The following RP9 variants were observed in gnomAD, a reference collection of about 807,000 sequenced individuals.
RP9 encodes RP9 pre-mRNA splicing factor.
A neutral mutation model predicts 32.6 loss-of-function variants in RP9; 23 were observed. The ratio of observed to expected loss-of-function variants is 0.71; its 90% CI spans 0.51 to 1.00. The LOEUF (loss-of-function observed/expected upper bound fraction) is 1.00. Ranked by LOEUF, RP9 falls within the 50% of genes least tolerant of loss-of-function variation. The pLI is 0.00. For synonymous variants in RP9, 94 were observed against 103.6 expected (o/e 0.91, Z 0.56); for missense variants, 245 against 285.3 (o/e 0.86, Z 1.02).
intron 5 of RP9, 105 bp from the exon 6 acceptor site, chr7:33,095,537 C>T: frequency 6.5e-7 from 1 of 1,538,516 alleles, no homozygotes; most frequent in Non-Finnish European, 8.8e-7. Flanking sequence ...GATGAATAAC[C>T]ATGTCACAAA....
chr7:33,099,715 C>T (rs1180955404), intron 2 of RP9, among the ~76,000 whole-genome samples: 1 of 151,594 alleles, frequency 6.6e-6, no homozygotes, highest in Non-Finnish European at 1.5e-5. Context: ...CTGGGGAGCT[C>T]CAAATAAGAT....
chr7:33,102,367 A>G (rs1486283199), intron 1 of RP9, among the ~76,000 whole-genome samples: 1 of 152,328 alleles, frequency 6.6e-6, no homozygotes, highest in East Asian at 1.9e-4. Flanking sequence ...GCTGGAGTGC[A>G]GTGGCGTGAT....
At chr7:33,102,609 G>A (rs566761165) in intron 1 of RP9, among the ~76,000 whole-genome samples, 2 of 152,360 alleles carry the variant, frequency 1.3e-5, no homozygotes, top group East Asian at 1.9e-4. Context: ...TCTGAGACAC[G>A]CTGTCTTCTC....
chr7:33,099,497 CT>C, intron 2 of RP9, 61 bp from the exon 3 acceptor site: 1 of 1,599,686 alleles, frequency 6.3e-7, no homozygotes, highest in East Asian at 2.2e-5. Flanking sequence ...TCCTGCTCCC[CT>C]TGGAGCCACC....
Position 33,109,144 on chromosome 7 carries a change from G to A in RP9, c.152+77C>T. On this transcript the variant is annotated intron_variant, in intron 1 of 5. Transcript: ENST00000297157. The surrounding 1 kb of genome is among the most constrained non-coding windows in gnomAD (Gnocchi z 4.9). ...GGGGGCTCGGAGGACCCGGCCTAGC[G>A]CCCACCGCGGCGTCCCGCGCCCCGG... 1 of 1,448,714 alleles carries A rather than the reference G, an allele frequency of 6.9e-7. No individual in the cohort carries two copies. Among genetic ancestry groups the A allele is most frequent in the South Asian group, 1.3e-5 (1 of 77,550 alleles). The allele number at this position is 1,448,714 out of a possible 1,614,324, so 89.7% of individuals were successfully genotyped here.
intron 2 of RP9, 146 bp downstream of exon 2, chr7:33,100,385 A>T: frequency 1.3e-6 from 1 of 756,878 alleles, no homozygotes; most frequent in African/African-American, 1.8e-5. Flanking sequence ...CAAAACTAAA[A>T]ATTATGACCC....
At position 33,098,445 on chromosome 7, in the gene RP9, G is replaced by A. The variant is rs181352320; in HGVS notation, c.313+862C>T. Among the ~76,000 whole-genome samples the A allele has an allele frequency of 2.2e-4, 34 of 152,274 alleles. No homozygotes were observed. The South Asian group carries it at 6.2e-3, about 28-fold the overall frequency. ...AGGTAAAACAGAGGGTCTCTGGCCA[G>A]GGAGACCAGGGAGACATCAGGTAGG... is the stretch of plus-strand genomic sequence containing the variant. On this transcript the variant is annotated intron_variant, in intron 3 of 5. Transcript: ENST00000297157.
At chr7:33,099,570 GA>G in intron 2 of RP9, 134 bp from the exon 3 acceptor site, 1 of 901,668 alleles carries the variant, frequency 1.1e-6, no homozygotes. Flanking sequence ...CTCAAAACTA[GA>G]AAAAAAGACA....
At chr7:33,106,163 T>G (rs755566025) in intron 1 of RP9, among the ~76,000 whole-genome samples, 1 of 149,564 alleles carries the variant, frequency 6.7e-6, no homozygotes, top group Non-Finnish European at 1.5e-5. Context: ...ATATTGCTGT[T>G]TTTTTTTTGT....
At chr7:33,103,616 C>T (rs1265732890) in intron 1 of RP9, among the ~76,000 whole-genome samples, 1 of 151,972 alleles carries the variant, frequency 6.6e-6, no homozygotes, top group East Asian at 1.9e-4. Flanking sequence ...GAGTTCGCGA[C>T]CAGCCTGGGC....
chr7:33,099,333 A>G lies in RP9; in HGVS notation c.287T>C (p.Leu96Pro). ...CTGCATAACTTTGACTTCTTTCCCC[A>G]GTGGCATCCAAAGTCCTTTAGTTGG... Reference protein sequence around the residue: ...HAPTKGLWMPLGKEVKVMQCW... With the variant: ...HAPTKGLWMPPGKEVKVMQCW... The change falls in exon 3 of 6, where the codon CTG (leucine) becomes CCG (proline). Residue 96 changes from leucine to proline, a missense_variant. Transcript: ENST00000297157. 6.2e-7 allele frequency: 1 copy of G among 1,613,606 alleles called. No individual in the cohort carries two copies. The highest frequency in any genetic ancestry group is 8.5e-7 in the Non-Finnish European group (1 of 1,179,976).
rs948177667 is a variant in RP9 at position 33,097,362 on chromosome 7, C to T, written c.314G>A (p.Cys105Tyr). ...PLGKEVKVMQCWRCKRYGHRT... is the reference protein window; with the variant it reads ...PLGKEVKVMQYWRCKRYGHRT... Reference sequence around the variant, plus strand: ...GTGACCATAGCGTTTGCAACGCCAACCTAAAAACGAAAAGAGAAATATTTC... The same window carrying T: ...GTGACCATAGCGTTTGCAACGCCAATCTAAAAACGAAAAGAGAAATATTTC... Residue 105 changes from cysteine (C) to tyrosine (Y), a missense_variant and splice_region_variant, in exon 4 of 6, where the codon TGT (cysteine) becomes TAT (tyrosine). Cys to Tyr is a radical substitution (Grantham distance 194). Coordinates refer to ENST00000297157, the MANE Select transcript of RP9 (RefSeq NM_203288.2). The T allele has an allele frequency of 6.2e-7, 1 of 1,609,434 alleles. No homozygotes were observed. The highest frequency in any genetic ancestry group is 8.5e-7 in the Non-Finnish European group (1 of 1,176,346).
Position 33,109,130 on chromosome 7 carries a change from G to A in RP9, c.152+91C>T. On this transcript the variant is annotated intron_variant, in intron 1 of 5. Transcript: ENST00000297157. This position sits in a 1 kb window ranked among gnomAD's most constrained non-coding sequence, Gnocchi z 4.9. ...CCCTGCCTGCTCGCGGGGGCTCGGA[G>A]GACCCGGCCTAGCGCCCACCGCGGC... is the stretch of plus-strand genomic sequence containing the variant. The A allele has an allele frequency of 7.0e-7, 1 of 1,426,146 alleles. No homozygotes were observed. The allele number at this position is 1,426,146 out of a possible 1,614,324, so 88.3% of individuals were successfully genotyped here.
intron 1 of RP9, among the ~76,000 whole-genome samples, chr7:33,102,889 G>A (rs1369648185): frequency 6.6e-6 from 1 of 152,198 alleles, no homozygotes; most frequent in Admixed American, 6.5e-5. Flanking sequence ...GCCCTCAGGG[G>A]CCTGGCAGGC....
intron 5 of RP9, 71 bp from the exon 6 acceptor site, chr7:33,095,503 T>C: frequency 1.3e-6 from 2 of 1,599,152 alleles, no homozygotes; most frequent in Non-Finnish European, 1.7e-6. Context: ...TAGATAAATA[T>C]GTCATTCAAA....
At chr7:33,098,971 C>T (rs1024209835) in intron 3 of RP9, 3 of 400,186 alleles carry the variant, frequency 7.5e-6, no homozygotes, top group East Asian at 5.8e-5. Context: ...TCTTAGTCAG[C>T]TCGGGCTGAC....
rs907255541 is a variant in RP9 at position 33,109,262 on chromosome 7, G to A, written c.111C>T (p.His37=). ...TGAGCTGCTGCAGCTGCTGCGCGTC[G>A]TGTCGCCGCCGCTTCTGCTCCCGAC... The part of the protein sequence containing the change: ...QRRREQKRRR[H]DAQQLQQLKH... Residue 37 remains histidine, a synonymous_variant, in exon 1 of 6, where the codon CAC becomes CAT. Coordinates refer to ENST00000297157, the MANE Select transcript of RP9 (RefSeq NM_203288.2). The surrounding 1 kb of genome is among the most constrained non-coding windows in gnomAD (Gnocchi z 4.9). 11 of 1,494,570 alleles carry A rather than the reference G, an allele frequency of 7.4e-6. No homozygotes were observed. In the African/African-American group the frequency reaches 1.5e-4, roughly 20 times the overall value. 92.6% of individuals were successfully genotyped at this position (1,494,570 alleles called of 1,614,324 possible).
At chr7:33,096,303 AAGG>A (rs934433064) in intron 5 of RP9, among the ~76,000 whole-genome samples, 187 bp downstream of exon 5, 1 of 152,214 alleles carries the variant, frequency 6.6e-6, no homozygotes, top group Non-Finnish European at 1.5e-5. Flanking sequence ...AAGTTAACCC[AAGG>A]AGGAGGAGGC....
At position 33,109,095 on chromosome 7, in the gene RP9, GGCCCAGCCCCCC is replaced by G; in HGVS notation, c.152+114_152+125del. On this transcript the variant is annotated intron_variant, in intron 1 of 5. Coordinates refer to ENST00000297157, the MANE Select transcript of RP9 (RefSeq NM_203288.2). This position sits in a 1 kb window ranked among gnomAD's most constrained non-coding sequence, Gnocchi z 4.9. ...GGTCGCCCGCACCAGGCTCCTGCCG[GGCCCAGCCCCCC>G]TGCCTGCTCGCGGGGGCTCGGAGGA... 1 of 1,322,886 alleles carries G rather than the reference GGCCCAGCCCCCC, an allele frequency of 7.6e-7. No individual in the cohort carries two copies. The highest frequency in any genetic ancestry group is 9.7e-7 in the Non-Finnish European group (1 of 1,035,988). The allele number at this position is 1,322,886 out of a possible 1,614,324, so 81.9% of individuals were successfully genotyped here.
Sources: allele counts gnomAD v4.1 joint callset (sites outside exome capture counted in the v4.1 genomes callset), GRCh38; gene constraint gnomAD v4.1.1; non-coding constraint Gnocchi (gnomAD v3.1); transcripts MANE v1.5; gene names NCBI Gene and HGNC (gene_info 2026-07-23, HGNC 2026-07-21).